Variants in TFCP2L1 observed in about 807,000 individuals in gnomAD.
TFCP2L1 encodes the protein transcription factor CP2 like 1, also known as transcription factor CP2-like protein 1.
TFCP2L1 carries 12 observed loss-of-function variants against 72.2 expected under a neutral mutation model. The ratio of observed to expected loss-of-function variants is 0.17; its 90% CI spans 0.11 to 0.27. The LOEUF (loss-of-function observed/expected upper bound fraction) is 0.27. TFCP2L1 is among the 10% of genes least tolerant of loss of function. The probability of loss-of-function intolerance (pLI) is 1.00; values close to 1 mark genes in which losing one functional copy is unlikely to be tolerated. For missense variants in TFCP2L1, 488 were observed against 624.6 expected (o/e 0.78, Z 2.33); for synonymous variants, 260 against 251.0 (o/e 1.04, Z -0.34).
At chr2:121,233,076 G>T (rs960319224) in intron 12 of TFCP2L1, among the ~76,000 whole-genome samples, 2 of 152,210 alleles carry the variant, frequency 1.3e-5, no homozygotes, top group Non-Finnish European at 2.9e-5. Context: ...CCAGCACTCT[G>T]CGTGGCCAAG....
At chr2:121,234,995 G>A (rs1016545283) in intron 11 of TFCP2L1, among the ~76,000 whole-genome samples, 4 of 152,252 alleles carry the variant, frequency 2.6e-5, no homozygotes, top group African/African-American at 9.6e-5. Flanking sequence ...GGGGCCTCCA[G>A]GCAGGGTCTG....
chr2:121,281,387 C>T (rs1004396917), intron 1 of TFCP2L1, 116 bp from the exon 2 acceptor site: 88 of 1,203,964 alleles, frequency 7.3e-5, no homozygotes, highest in Middle Eastern at 2.1e-4. Flanking sequence ...ACACGGCACG[C>T]GCATCGCAGG....
intron 10 of TFCP2L1, 98 bp from the exon 11 acceptor site, chr2:121,235,409 G>A (rs1199385059): frequency 8.5e-7 from 1 of 1,170,714 alleles, no homozygotes. Flanking sequence ...GGGGTGGGGG[G>A]TGGGGAAGAG....
intron 2 of TFCP2L1, among the ~76,000 whole-genome samples, chr2:121,252,150 G>A (rs1447749502): frequency 1.3e-5 from 2 of 152,130 alleles, no homozygotes; most frequent in African/African-American, 4.8e-5. Flanking sequence ...TCCAACTCAA[G>A]CTATCTTCCC....
intron 2 of TFCP2L1, among the ~76,000 whole-genome samples, chr2:121,255,973 C>T (rs1686710914): frequency 1.3e-5 from 2 of 152,170 alleles, no homozygotes; most frequent in South Asian, 4.1e-4. Context: ...CGATCTCCTA[C>T]CTCGTGATCC....
chr2:121,283,717 CATT>C (rs138418890), intron 1 of TFCP2L1, among the ~76,000 whole-genome samples: 2,127 of 152,326 alleles, frequency 0.014, 48 homozygotes, highest in African/African-American at 0.048. Flanking sequence ...CCTTCAAACT[CATT>C]GTTAAGATAT....
chr2:121,257,488 CT>C (rs1686751240), intron 2 of TFCP2L1, among the ~76,000 whole-genome samples: 1 of 152,210 alleles, frequency 6.6e-6, no homozygotes, highest in Non-Finnish European at 1.5e-5. Flanking sequence ...CCCCTTGCCC[CT>C]CCTGCCCTCC....
chr2:121,275,290 T>G (rs1687123885), intron 2 of TFCP2L1, among the ~76,000 whole-genome samples: 1 of 148,660 alleles, frequency 6.7e-6, no homozygotes, highest in Admixed American at 6.9e-5. Flanking sequence ...TCCCAGCTAC[T>G]TGGGAGGCTG....
rs1166853997 is a variant in TFCP2L1 at position 121,237,866 on chromosome 2, A to G, written c.861-16T>C. Reference sequence around the variant, plus strand: ...AGAGGCGTTGCTGCAAGGAAAAGGAACCAGTGATGAGGACAGAGGGGGCTC... The same window carrying G: ...AGAGGCGTTGCTGCAAGGAAAAGGAGCCAGTGATGAGGACAGAGGGGGCTC... On this transcript the variant is annotated splice_polypyrimidine_tract_variant and intron_variant, in intron 8 of 14. Coordinates refer to ENST00000263707, the MANE Select transcript of TFCP2L1 (RefSeq NM_014553.3). 5.0e-6 allele frequency: 8 copies of G among 1,613,694 alleles called. No homozygotes were observed. The highest frequency in any genetic ancestry group is 5.9e-6 in the Non-Finnish European group (7 of 1,179,854).
chr2:121,236,192 T>C (rs1686245851), intron 10 of TFCP2L1, among the ~76,000 whole-genome samples: 1 of 152,214 alleles, frequency 6.6e-6, no homozygotes, highest in Non-Finnish European at 1.5e-5. Flanking sequence ...TGGGCTGTTA[T>C]GAATAGGCTC....
chr2:121,269,406 C>A (rs1325515751), intron 2 of TFCP2L1, among the ~76,000 whole-genome samples: 1 of 152,018 alleles, frequency 6.6e-6, no homozygotes, highest in Admixed American at 6.5e-5. Flanking sequence ...TGTAATCGCA[C>A]CACTGCACTC....
intron 2 of TFCP2L1, among the ~76,000 whole-genome samples, chr2:121,260,598 TCA>T (rs1686812998): frequency 6.6e-6 from 1 of 152,118 alleles, no homozygotes; most frequent in African/African-American, 2.4e-5. Context: ...ACTGCCAAGG[TCA>T]CAGAGCCAGG....
Position 121,234,077 on chromosome 2 carries a change from T to TC in TFCP2L1, c.1198+13dup. On this transcript the variant is annotated intron_variant, in intron 12 of 14. Transcript: ENST00000263707. ...CCCAATGTGTGGGTCCCAGCTCTGC[T>TC]CCCCACAACTCACCAGACAGGTTGC... is the stretch of plus-strand genomic sequence containing the variant. The TC allele has an allele frequency of 6.2e-7, 1 of 1,610,916 alleles. No homozygotes were observed. The highest frequency in any genetic ancestry group is 8.5e-7 in the Non-Finnish European group (1 of 1,178,464).
Position 121,237,697 on chromosome 2 carries a change from G to A in TFCP2L1, c.929C>T (p.Ser310Leu), listed in dbSNP as rs1328952707. The part of the protein sequence containing the change: ...VGSDHLLPSA[S>L]IQDAQQWLHR... ...AAGCCACTGCTGGGCATCCTGGATC[G>A]AAGCTGATGGGAGCAGGTGCTGTGA... is the stretch of plus-strand genomic sequence containing the variant. The change falls in exon 10 of 15, where the codon TCG becomes TTG. Residue 310 changes from serine (S) to leucine (L), a missense_variant. Transcript: ENST00000263707. 8.1e-6 allele frequency: 13 copies of A among 1,614,094 alleles called. 1 individual carries two copies. Among genetic ancestry groups the A allele is most frequent in the Non-Finnish European group, 8.5e-6 (10 of 1,180,050 alleles).
intron 2 of TFCP2L1, among the ~76,000 whole-genome samples, chr2:121,254,409 G>A (rs1040709487): frequency 4.6e-5 from 7 of 152,170 alleles, no homozygotes; most frequent in African/African-American, 1.2e-4. Context: ...AGACAGGTTC[G>A]AACCAGGGGA....
At position 121,222,681 on chromosome 2, in the gene TFCP2L1, TG is replaced by T. The variant is rs1371232508; in HGVS notation, c.*1659del. The T allele has an allele frequency of 2.0e-5, 3 of 152,346 alleles. No homozygotes were observed. The East Asian group carries it at 5.8e-4, about 29-fold the overall frequency. 9.4% of individuals were successfully genotyped at this position (152,346 alleles called of 1,614,324 possible). On this transcript the variant is annotated 3_prime_UTR_variant, in exon 15 of 15. Coordinates refer to ENST00000263707, the MANE Select transcript of TFCP2L1 (RefSeq NM_014553.3). ...ACAGACCAAGGGTACGGGGTTTTACTGGGGGTGATGAAAATGTACCAACGTT... is the reference window on the plus strand; with the variant it reads ...ACAGACCAAGGGTACGGGGTTTTACTGGGGTGATGAAAATGTACCAACGTT...
In TFCP2L1 at chr2:121,223,987, G is replaced by A. The variant is rs1573351756; in HGVS notation, c.*354C>T. On this transcript the variant is annotated 3_prime_UTR_variant, in exon 15 of 15. Transcript: ENST00000263707. ...AGAGTGGTCAGAAGGGACCAATACA[G>A]GCAGCACCAAGATACCCAATCAGCT... 3.1e-6 allele frequency: 1 copy of A among 318,952 alleles called. No individual in the cohort carries two copies. Among genetic ancestry groups the A allele is most frequent in the East Asian group, 6.5e-5 (1 of 15,338 alleles). The allele number at this position is 318,952 out of a possible 1,614,324, so 19.8% of individuals were successfully genotyped here.
At chr2:121,250,809 G>A (rs1215906875) in intron 2 of TFCP2L1, among the ~76,000 whole-genome samples, 1 of 151,698 alleles carries the variant, frequency 6.6e-6, no homozygotes, top group African/African-American at 2.4e-5. Context: ...GTTTCACCAT[G>A]TTAGCCAGGC....
intron 1 of TFCP2L1, among the ~76,000 whole-genome samples, chr2:121,282,703 A>T (rs1390165700): frequency 6.6e-6 from 1 of 152,136 alleles, no homozygotes; most frequent in Non-Finnish European, 1.5e-5. Flanking sequence ...TTATCTTGAT[A>T]ACCCTCTTCC....
Sources: allele counts gnomAD v4.1 joint callset (sites outside exome capture counted in the v4.1 genomes callset), GRCh38; gene constraint gnomAD v4.1.1; transcripts MANE v1.5; gene names NCBI Gene and HGNC (gene_info 2026-07-23, HGNC 2026-07-21).